Variants in CSMD1 observed in about 807,000 individuals in gnomAD.
CSMD1 encodes CUB and sushi domain-containing protein 1.
In CSMD1, 213 loss-of-function variants were observed where a neutral mutation model predicts 417.5. The observed-to-expected ratio is 0.51, with a 90% CI of 0.46 to 0.57. The LOEUF (loss-of-function observed/expected upper bound fraction) is 0.57. Among genes scored for constraint, CSMD1 ranks in the 20% least tolerant of loss-of-function variants. The pLI, the probability that CSMD1 is intolerant of heterozygous loss-of-function variation, is 0.00. For missense variants in CSMD1, 6,923 were observed against 4,529.7 expected (o/e 1.53, Z -15.17); for synonymous variants, 2,862 against 1,736.8 (o/e 1.65, Z -16.11).
chr8:3,630,648 C>G (rs1323424939), intron 7 of CSMD1, among the ~76,000 whole-genome samples: 1 of 152,132 alleles, frequency 6.6e-6, no homozygotes, highest in African/African-American at 2.4e-5. Context: ...GGGCAGCAGA[C>G]AGATTTCATT....
chr8:3,872,439 C>T (rs770798928), intron 5 of CSMD1, among the ~76,000 whole-genome samples: 5 of 152,200 alleles, frequency 3.3e-5, no homozygotes, highest in East Asian at 1.9e-4. Context: ...ACGCATTATC[C>T]GAAGCCCACT....
chr8:3,834,343 A>G (rs1424253500), intron 5 of CSMD1, among the ~76,000 whole-genome samples: 2 of 152,030 alleles, frequency 1.3e-5, no homozygotes, highest in Admixed American at 6.6e-5. Flanking sequence ...GCTTATAGGT[A>G]AGGTGGGGAC....
At position 4,292,419 on chromosome 8, in the gene CSMD1, A is replaced by AT. The variant is rs570071587; in HGVS notation, c.415+127533dup. 3.0e-4 allele frequency among the ~76,000 whole-genome samples: 46 copies of AT among 151,970 alleles called. 1 individual carries two copies. The South Asian group carries it at 8.3e-3, about 27-fold the overall frequency. ...AGGTGCCCGCCACCACGCCCGGCTA[A>AT]TTTTTTGTGTTTTTAATACAGACGG... On this transcript the variant is annotated intron_variant, in intron 3 of 69. Transcript: ENST00000635120.
chr8:2,955,126 G>A (rs1802909613), intron 64 of CSMD1, among the ~76,000 whole-genome samples: 1 of 152,158 alleles, frequency 6.6e-6, no homozygotes, highest in Non-Finnish European at 1.5e-5. Flanking sequence ...CAATGTCAGG[G>A]ACACATAAAC....
chr8:4,114,786 C>G (rs766603503), intron 3 of CSMD1, among the ~76,000 whole-genome samples: 1 of 152,086 alleles, frequency 6.6e-6, no homozygotes, highest in Admixed American at 6.6e-5. Flanking sequence ...AGCAGAGGTA[C>G]CTGCAGATGT....
chr8:4,144,291 A>T (rs1803977393), intron 3 of CSMD1, among the ~76,000 whole-genome samples: 1 of 150,898 alleles, frequency 6.6e-6, no homozygotes, highest in Non-Finnish European at 1.5e-5. Flanking sequence ...ACCCCACTTA[A>T]ACAGGATACC....
rs374578516 is a variant in CSMD1, at chr8:4,193,845, C to G, written c.416-161746G>C. Among the ~76,000 whole-genome samples the G allele has an allele frequency of 2.6e-5, 4 of 151,882 alleles. No individual in the cohort carries two copies. In the East Asian group the frequency reaches 5.8e-4, roughly 22 times the overall value. On this transcript the variant is annotated intron_variant, in intron 3 of 69. Coordinates refer to ENST00000635120, the MANE Select transcript of CSMD1 (RefSeq NM_033225.6). ...AACAGAATACAGTTCAGCCGTGTTT[C>G]CCATTCATTCTTCAGCACCGAGAAG...
In CSMD1 at chr8:4,590,936, G is replaced by A. The variant is rs555772758; in HGVS notation, c.302+46406C>T. Among the ~76,000 whole-genome samples, 8 of 152,304 alleles carry A rather than the reference G, an allele frequency of 5.3e-5. No individual in the cohort carries two copies. In the East Asian group the frequency reaches 1.5e-3, roughly 29 times the overall value. The stretch of plus-strand genomic sequence containing the variant: ...AATGCTCTCAGGCCTTCTGAGCTCT[G>A]CTGAGTTGGTGATTAAAACACACCT... On this transcript the variant is annotated intron_variant, in intron 2 of 69. Coordinates refer to ENST00000635120, the MANE Select transcript of CSMD1 (RefSeq NM_033225.6).
chr8:4,981,374 A>G (rs1438482669), intron 1 of CSMD1, among the ~76,000 whole-genome samples: 1 of 152,172 alleles, frequency 6.6e-6, no homozygotes, highest in Non-Finnish European at 1.5e-5. Context: ...TTAGAATTTG[A>G]CTGATAGGAC....
intron 46 of CSMD1, among the ~76,000 whole-genome samples, chr8:3,102,246 G>C (rs187404715): frequency 2.0e-5 from 3 of 152,140 alleles, no homozygotes; most frequent in African/African-American, 7.2e-5. Flanking sequence ...TGATAATTAA[G>C]TGATTCAGTG....
chr8:3,537,755 G>A (rs1031739117), intron 10 of CSMD1, among the ~76,000 whole-genome samples: 1 of 152,050 alleles, frequency 6.6e-6, no homozygotes, highest in African/African-American at 2.4e-5. Flanking sequence ...ATTTTATTTA[G>A]GACAGTAAAA....
Position 4,637,504 on chromosome 8 carries a change from C to T in CSMD1, c.140G>A (p.Gly47Glu), listed in dbSNP as rs1339881270. ...ATAGTTCGGATACCCGTGAGGAAAC[C>T]CTGGGCTCTCAATAGTGCCATTGGG... ...QGPNGTIESP[G>E]FPHGYPNYAN... The change falls in exon 2 of 70, where the codon GGG becomes GAG. Residue 47 changes from glycine (G) to glutamate (E), a missense_variant. Gly to Glu is a moderately conservative substitution (Grantham distance 98). Transcript: ENST00000635120. 3.1e-6 allele frequency: 5 copies of T among 1,613,858 alleles called. No homozygotes were observed. Among genetic ancestry groups the T allele is most frequent in the Middle Eastern group, 3.3e-4 (2 of 6,062 alleles).
At chr8:3,020,361 C>A (rs1019343525) in intron 51 of CSMD1, among the ~76,000 whole-genome samples, 4 of 152,108 alleles carry the variant, frequency 2.6e-5, no homozygotes, top group Admixed American at 2.6e-4. Flanking sequence ...ACCACTAAAA[C>A]CAGCCCTTTT....
At chr8:4,837,729 G>T (rs1350306) in intron 1 of CSMD1, among the ~76,000 whole-genome samples, 1 of 151,730 alleles carries the variant, frequency 6.6e-6, no homozygotes, top group Non-Finnish European at 1.5e-5. Flanking sequence ...AGTAATAACC[G>T]TACATTTAAA....
intron 1 of CSMD1, among the ~76,000 whole-genome samples, chr8:4,784,498 A>T (rs1397566509): frequency 1.3e-5 from 2 of 152,218 alleles, no homozygotes; most frequent in Non-Finnish European, 2.9e-5. Flanking sequence ...ACATAGACCA[A>T]ATATCTTCAC....
intron 1 of CSMD1, among the ~76,000 whole-genome samples, chr8:4,897,707 A>T (rs1258410916): frequency 6.6e-6 from 1 of 152,158 alleles, no homozygotes; most frequent in Non-Finnish European, 1.5e-5. Flanking sequence ...ACTTAAATAC[A>T]TTCTATCTGC....
intron 49 of CSMD1, among the ~76,000 whole-genome samples, chr8:3,071,713 A>C (rs117555532): frequency 0.014 from 2,064 of 152,296 alleles, 17 homozygotes; most frequent in Non-Finnish European, 0.021. Flanking sequence ...CCATTCATCA[A>C]CACCATTACA....
chr8:3,783,279 C>G (rs1385084930), intron 5 of CSMD1, among the ~76,000 whole-genome samples: 1 of 152,234 alleles, frequency 6.6e-6, no homozygotes, highest in Admixed American at 6.5e-5. Context: ...TTTTGCAAAA[C>G]TCACCATTAG....
intron 5 of CSMD1, among the ~76,000 whole-genome samples, chr8:3,790,797 A>G (rs926446446): frequency 1.3e-5 from 2 of 152,128 alleles, no homozygotes; most frequent in Non-Finnish European, 2.9e-5. Flanking sequence ...TTTTTGCAAC[A>G]TTGAGGTCGA....
Sources: gnomAD v4.1 joint callset for allele counts (sites outside exome capture counted in the v4.1 genomes callset) on GRCh38, gnomAD v4.1.1 for gene constraint, MANE v1.5 for transcripts, NCBI Gene and HGNC (gene_info 2026-07-23, HGNC 2026-07-21) for gene names.